The following UBE3A variants were observed in gnomAD, a reference collection of about 807,000 sequenced individuals.
The protein encoded by UBE3A is ubiquitin-protein ligase E3A.
UBE3A carries 6 observed loss-of-function variants against 83.4 expected under a neutral mutation model. The observed-to-expected ratio is 0.07, with a 90% CI of 0.04 to 0.14. UBE3A has a LOEUF of 0.14. UBE3A is among the 10% of genes least tolerant of loss of function. The probability of loss-of-function intolerance (pLI) is 1.00; values close to 1 mark genes in which losing one functional copy is unlikely to be tolerated. For synonymous variants in UBE3A, 337 were observed against 355.4 expected, an observed-to-expected ratio of 0.95 and a Z score of 0.58; for missense variants, 456 against 1,036.1, an observed-to-expected ratio of 0.44 and a Z score of 7.69.
Position 25,375,598 on chromosome 15 carries a change from A to G in UBE3A, c.228T>C (p.Asn76=). ...AGGGATGAGGATCACAGAGTTTTGC[A>G]TTAATCTTATAAAGCTCGAGGGCTT... The part of the protein sequence containing the change: ...AIKALELYKI[N]AKLCDPHPSK... Residue 76 remains asparagine (N), a synonymous_variant, in exon 5 of 13, where the codon AAT becomes AAC. Transcript: ENST00000648336. 6.2e-7 allele frequency: 1 copy of G among 1,614,182 alleles called. No homozygotes were observed. Among genetic ancestry groups the G allele is most frequent in the Non-Finnish European group, 8.5e-7 (1 of 1,180,040 alleles).
At chr15:25,382,310 G>A (rs1429286183) in intron 4 of UBE3A, among the ~76,000 whole-genome samples, 2 of 149,536 alleles carry the variant, frequency 1.3e-5, no homozygotes, top group East Asian at 2.0e-4. Context: ...AAAAGAGCGA[G>A]ACTCTGTCTC....
At chr15:25,416,457 T>A (rs1234378575) in intron 1 of UBE3A, among the ~76,000 whole-genome samples, 2 of 151,788 alleles carry the variant, frequency 1.3e-5, no homozygotes, top group African/African-American at 4.8e-5. Flanking sequence ...AACAGGCAAA[T>A]CTAATCTATG....
chr15:25,350,571 C>CTG (rs1172162503), intron 11 of UBE3A, among the ~76,000 whole-genome samples: 2 of 152,082 alleles, frequency 1.3e-5, no homozygotes, highest in East Asian at 3.9e-4. Context: ...AAATATGCAC[C>CTG]TGCTATATGC....
rs2076968651 is a variant in UBE3A at position 25,354,569 on chromosome 15, A to G, written c.2239T>C (p.Phe747Leu). The G allele has an allele frequency of 6.2e-7, 1 of 1,613,970 alleles. No individual in the cohort carries two copies. Among genetic ancestry groups the G allele is most frequent in the Non-Finnish European group, 8.5e-7 (1 of 1,179,960 alleles). The change falls in exon 10 of 13, where the codon TTC becomes CTC. Residue 747 changes from phenylalanine to leucine, a missense_variant. Transcript: ENST00000648336. ...VTNESPLKYL[F>L]RPEEIELLIC... ...AGCAATTCAATTTCTTCTGGTCTGA[A>G]TAAGTACTTTAAGGGAGATTCATTG...
chr15:25,360,942 T>C (rs2077970624), intron 6 of UBE3A, among the ~76,000 whole-genome samples: 1 of 152,152 alleles, frequency 6.6e-6, no homozygotes, highest in South Asian at 2.1e-4. Flanking sequence ...GGGTTAAGTC[T>C]TAGTATCTAC....
chr15:25,374,505 G>T (rs1240511657), intron 5 of UBE3A: 1 of 152,254 alleles, frequency 6.6e-6, no homozygotes, highest in Admixed American at 6.5e-5. Flanking sequence ...TTCCCATAGT[G>T]TGTGAACTAA....
chr15:25,398,788 TATATATATATATATATATATATATATAA>T (rs1458641857), intron 4 of UBE3A, among the ~76,000 whole-genome samples: 15 of 40,674 alleles, frequency 3.7e-4, no homozygotes, highest in South Asian at 1.8e-3. Flanking sequence ...TATATATATA[TATATATATATATATATATATATATATAA>T]AAATACATAT....
Position 25,352,745 on chromosome 15 carries a change from T to C in UBE3A, c.2354+1608A>G, listed in dbSNP as rs556428179. Among the ~76,000 whole-genome samples, 23 of 152,352 alleles carry C rather than the reference T, an allele frequency of 1.5e-4. No individual in the cohort carries two copies. In the South Asian group the frequency reaches 3.7e-3, roughly 25 times the overall value. On this transcript the variant is annotated intron_variant, in intron 11 of 12. Coordinates refer to ENST00000648336, the MANE Select transcript of UBE3A (RefSeq NM_130839.5). ...ACTTGTAGACTATTTAATGAATTAA[T>C]ATTTTCATCATATTTATATTGAGAA...
At chr15:25,432,198 G>C (rs754469330) in intron 1 of UBE3A, among the ~76,000 whole-genome samples, 1 of 152,188 alleles carries the variant, frequency 6.6e-6, no homozygotes, top group Non-Finnish European at 1.5e-5. Context: ...GTGCAAGAAA[G>C]TGACAAAATG....
At chr15:25,355,467 GA>G (rs2077090545) in intron 9 of UBE3A, among the ~76,000 whole-genome samples, 2 of 152,066 alleles carry the variant, frequency 1.3e-5, no homozygotes, top group African/African-American at 4.8e-5. Flanking sequence ...TTAGTCAATA[GA>G]AACCCAAATC....
At chr15:25,358,568 A>G (rs2077562943) in intron 7 of UBE3A, among the ~76,000 whole-genome samples, 1 of 152,192 alleles carries the variant, frequency 6.6e-6, no homozygotes. Context: ...GTCTGAAAAA[A>G]ATCTGTAATT....
At chr15:25,428,457 G>C (rs978691626) in intron 1 of UBE3A, among the ~76,000 whole-genome samples, 2 of 152,070 alleles carry the variant, frequency 1.3e-5, no homozygotes, top group Non-Finnish European at 2.9e-5. Flanking sequence ...CATACTACCA[G>C]AGAATACTAC....
chr15:25,357,256 A>G (rs1051598899), intron 7 of UBE3A: 4 of 160,554 alleles, frequency 2.5e-5, no homozygotes, highest in African/African-American at 1.2e-4. Context: ...AAATAAACAT[A>G]AAAAAACAAA....
Position 25,408,947 on chromosome 15 carries a change from A to G in UBE3A, c.20+141T>C. The G allele has an allele frequency of 4.6e-6, 4 of 869,488 alleles. No individual in the cohort carries two copies. In the East Asian group the frequency reaches 1.1e-4, roughly 23 times the overall value. 53.9% of individuals were successfully genotyped at this position (869,488 alleles called of 1,614,324 possible). A position where few individuals can be genotyped will look rare whatever the true frequency, so the allele number is the denominator to read the frequency against. ...AAAAAGACACTAAAATATTTTAAGG[A>G]GATTAAATGAAGTAGGTCAACTCTC... On this transcript the variant is annotated intron_variant, in intron 3 of 12. Coordinates refer to ENST00000648336, the MANE Select transcript of UBE3A (RefSeq NM_130839.5).
At chr15:25,353,924 C>A in intron 11 of UBE3A, 1 of 236,384 alleles carries the variant, frequency 4.2e-6, no homozygotes, top group South Asian at 5.8e-5. Flanking sequence ...TGTATCTGGA[C>A]ATATTATCTT....
chr15:25,384,789 C>T (rs1175340577), intron 4 of UBE3A, among the ~76,000 whole-genome samples: 1 of 152,124 alleles, frequency 6.6e-6, no homozygotes. Context: ...GTAATCAAAA[C>T]ACTATGGTGC....
intron 4 of UBE3A, among the ~76,000 whole-genome samples, chr15:25,400,353 C>T (rs900313090): frequency 6.6e-6 from 1 of 152,218 alleles, no homozygotes; most frequent in Non-Finnish European, 1.5e-5. Flanking sequence ...ATACAACCTA[C>T]ACACATCCTC....
chr15:25,393,940 C>G (rs1022310056), intron 4 of UBE3A: 3 of 152,198 alleles, frequency 2.0e-5, no homozygotes, highest in African/African-American at 4.8e-5. Flanking sequence ...CTCCCATCAG[C>G]TAACTCTACA....
chr15:25,420,261 C>T (rs1438638480), intron 1 of UBE3A, among the ~76,000 whole-genome samples: 1 of 152,092 alleles, frequency 6.6e-6, no homozygotes, highest in African/African-American at 2.4e-5. Flanking sequence ...TAAACAGAGA[C>T]ATTTCATAAT....
Sources: allele counts gnomAD v4.1 joint callset (sites outside exome capture counted in the v4.1 genomes callset), GRCh38; gene constraint gnomAD v4.1.1; transcripts MANE v1.5; gene names NCBI Gene and HGNC (gene_info 2026-07-23, HGNC 2026-07-21).